Variants in ATAD2B observed in about 807,000 individuals in gnomAD.
ATAD2B encodes the protein ATPase family AAA domain containing 2B.
A neutral mutation model predicts 167.6 loss-of-function variants in ATAD2B; 40 were observed. That is an observed-to-expected ratio of 0.24 (90% confidence interval 0.19 to 0.31). ATAD2B has a LOEUF of 0.31. ATAD2B is among the 10% of genes least tolerant of loss of function. The pLI is 1.00. For synonymous variants in ATAD2B, 579 were observed against 596.5 expected (o/e 0.97, Z 0.43); for missense variants, 1,242 against 1,757.2 (o/e 0.71, Z 5.24).
intron 1 of ATAD2B, among the ~76,000 whole-genome samples, chr2:23,919,159 A>AT (rs1703511978): frequency 6.6e-6 from 1 of 151,100 alleles, no homozygotes; most frequent in Admixed American, 6.7e-5. Context: ...CCTGGCCAAC[A>AT]TAAAAAGACC....
Position 23,792,118 on chromosome 2 carries a change from A to T in ATAD2B, c.2641-3471T>A, listed in dbSNP as rs560249257. On this transcript the variant is annotated intron_variant, in intron 19 of 27. Coordinates refer to ENST00000238789, the MANE Select transcript of ATAD2B (RefSeq NM_017552.4). ...TGCTCTGTCGCCCAGGCTGGAGTGC[A>T]GTGGTGCAATCTCGGCTCACTGCAA... is the stretch of plus-strand genomic sequence containing the variant. 2.0e-5 allele frequency among the ~76,000 whole-genome samples: 3 copies of T among 149,656 alleles called. No individual in the cohort carries two copies. In the South Asian group the frequency reaches 6.4e-4, roughly 32 times the overall value.
At chr2:23,883,573 C>A in intron 6 of ATAD2B, 1 of 1,258,140 alleles carries the variant, frequency 7.9e-7, no homozygotes, top group Non-Finnish European at 1.0e-6. Context: ...AGGCAAGAAT[C>A]GCATTATAAA....
At chr2:23,918,456 TAC>T (rs1305771853) in intron 1 of ATAD2B, among the ~76,000 whole-genome samples, 2 of 152,008 alleles carry the variant, frequency 1.3e-5, no homozygotes, top group African/African-American at 4.8e-5. Flanking sequence ...AATATAAATA[TAC>T]ACATATATAA....
the ATAD2B span, among the ~76,000 whole-genome samples, chr2:23,723,939 A>G: frequency 2.0e-5 from 3 of 152,256 alleles, no homozygotes; most frequent in African/African-American, 7.2e-5. Context: ...CTATTCAGCC[A>G]TAATAAAGAA....
At chr2:23,729,817 G>A in the ATAD2B span, among the ~76,000 whole-genome samples, 3 of 152,208 alleles carry the variant, frequency 2.0e-5, no homozygotes, top group African/African-American at 7.2e-5. Flanking sequence ...AATATTACAT[G>A]ATAATAAAAT....
chr2:23,720,351 A>G, the ATAD2B span, among the ~76,000 whole-genome samples: 1 of 152,080 alleles, frequency 6.6e-6, no homozygotes, highest in Non-Finnish European at 1.5e-5. Context: ...AGGAGAGTGG[A>G]TCAGTTGAGG....
At chr2:23,885,087 G>A (rs1384720504) in intron 5 of ATAD2B, among the ~76,000 whole-genome samples, 1 of 152,156 alleles carries the variant, frequency 6.6e-6, no homozygotes, top group African/African-American at 2.4e-5. Flanking sequence ...AACACATAAT[G>A]CCAGCAACAT....
At chr2:23,695,072 C>T in the ATAD2B span, among the ~76,000 whole-genome samples, 1 of 152,232 alleles carries the variant, frequency 6.6e-6, no homozygotes, top group South Asian at 2.1e-4. This position sits in a 1 kb window ranked among gnomAD's most constrained non-coding sequence, Gnocchi z 7.6. Flanking sequence ...TGTAAAACCA[C>T]CTCAGTGCAG....
At chr2:23,910,984 TG>T (rs1054525281) in intron 1 of ATAD2B, among the ~76,000 whole-genome samples, 38 of 152,214 alleles carry the variant, frequency 2.5e-4, no homozygotes, top group African/African-American at 8.9e-4. Context: ...CCCAGCACTT[TG>T]GGAGGCCAAG....
chr2:23,926,860 G>A lies in ATAD2B; in HGVS notation c.-90C>T, dbSNP rs1320345392. On this transcript the variant is annotated 5_prime_UTR_variant, in exon 1 of 28. Coordinates refer to ENST00000238789, the MANE Select transcript of ATAD2B (RefSeq NM_017552.4). ...CCGGTCAGTCAGGGCCAGCGGAGCC[G>A]AGCCGGGCAATGAGAGACGAGCCGG... 1.8e-5 allele frequency: 26 copies of A among 1,415,028 alleles called. 1 individual carries two copies. Among genetic ancestry groups the A allele is most frequent in the South Asian group, 1.2e-4 (8 of 66,084 alleles). 87.7% of individuals were successfully genotyped at this position (1,415,028 alleles called of 1,614,324 possible). A position where few individuals can be genotyped will look rare whatever the true frequency, so the allele number is the denominator to read the frequency against.
At chr2:23,683,679 C>A in the ATAD2B span, among the ~76,000 whole-genome samples, 1 of 152,210 alleles carries the variant, frequency 6.6e-6, no homozygotes, top group Non-Finnish European at 1.5e-5. Flanking sequence ...ATCTGCCGGG[C>A]TGTAAAGCAG....
the ATAD2B span, among the ~76,000 whole-genome samples, chr2:23,717,575 GGA>G: frequency 2.0e-5 from 3 of 152,110 alleles, no homozygotes; most frequent in Non-Finnish European, 4.4e-5. Context: ...AAAAATAACA[GGA>G]GAGAGAGCTC....
intron 22 of ATAD2B, among the ~76,000 whole-genome samples, chr2:23,772,095 C>T (rs1678414612): frequency 6.6e-6 from 1 of 152,084 alleles, no homozygotes; most frequent in South Asian, 2.1e-4. Context: ...GTGTCCAATG[C>T]CTTCCAAACA....
intron 2 of ATAD2B, 121 bp downstream of exon 2, chr2:23,895,698 A>G: frequency 1.6e-6 from 1 of 622,818 alleles, no homozygotes; most frequent in African/African-American, 1.9e-5. Context: ...GTTTAATACA[A>G]TTTACTTATA....
At chr2:23,696,017 T>A in the ATAD2B span, 1 of 1,551,706 alleles carries the variant, frequency 6.4e-7, no homozygotes, top group Non-Finnish European at 8.7e-7. The surrounding 1 kb of genome is among the most constrained non-coding windows in gnomAD (Gnocchi z 5.5). Flanking sequence ...CGCTCGCTGG[T>A]GGCCGTCACC....
intron 10 of ATAD2B, among the ~76,000 whole-genome samples, chr2:23,867,422 A>T (rs1488269768): frequency 6.6e-6 from 1 of 152,214 alleles, no homozygotes; most frequent in Non-Finnish European, 1.5e-5. Flanking sequence ...AGTTTCTACC[A>T]TGACCACTAC....
At chr2:23,755,516 C>T (rs1321322317) in intron 25 of ATAD2B, among the ~76,000 whole-genome samples, 4 of 152,058 alleles carry the variant, frequency 2.6e-5, no homozygotes, top group Non-Finnish European at 5.9e-5. Flanking sequence ...CTGTGCTCCC[C>T]TAAGTAGGAC....
the ATAD2B span, among the ~76,000 whole-genome samples, chr2:23,742,146 C>T: frequency 7.2e-5 from 11 of 152,234 alleles, no homozygotes; most frequent in South Asian, 2.1e-4. Flanking sequence ...GTCAGTGTGG[C>T]GATTCCTCAG....
intron 22 of ATAD2B, among the ~76,000 whole-genome samples, chr2:23,779,174 C>CTTTTTT (rs35835747): frequency 3.0e-4 from 29 of 97,412 alleles, no homozygotes; most frequent in African/African-American, 3.8e-4. Context: ...TTTTTCTTTT[C>CTTTTTT]TTTTTTTTTT....
Sources: allele counts gnomAD v4.1 joint callset (sites outside exome capture counted in the v4.1 genomes callset), GRCh38; gene constraint gnomAD v4.1.1; non-coding constraint Gnocchi (gnomAD v3.1); transcripts MANE v1.5; gene names NCBI Gene and HGNC (gene_info 2026-07-23, HGNC 2026-07-21).